The following CFAP61 variants were observed in gnomAD, a reference collection of about 807,000 sequenced individuals.
The protein encoded by CFAP61 is cilia- and flagella-associated protein 61.
CFAP61 carries 107 observed loss-of-function variants against 135.6 expected under a neutral mutation model. The ratio of observed to expected loss-of-function variants is 0.79; its 90% CI spans 0.67 to 0.93. The LOEUF is 0.93. Among genes scored for constraint, CFAP61 ranks in the 40% least tolerant of loss-of-function variants. The probability of loss-of-function intolerance (pLI) is 0.00; values close to 1 mark genes in which losing one functional copy is unlikely to be tolerated. For missense variants in CFAP61, 1,507 were observed against 1,556.2 expected (o/e 0.97, Z 0.53); for synonymous variants, 575 against 578.5 (o/e 0.99, Z 0.09).
intron 1 of CFAP61, among the ~76,000 whole-genome samples, chr20:20,054,009 G>GT (rs1491456523): frequency 0.22 from 19,918 of 88,702 alleles, 1,553 homozygotes; most frequent in East Asian, 0.33. Flanking sequence ...TGTTTTTTTT[G>GT]TTTGTTTTTT....
At chr20:20,225,033 CAT>C (rs1227206778) in intron 17 of CFAP61, among the ~76,000 whole-genome samples, 1 of 152,142 alleles carries the variant, frequency 6.6e-6, no homozygotes, top group African/African-American at 2.4e-5. Context: ...TGGCTTGACT[CAT>C]AGGATCTTGC....
In CFAP61 at chr20:20,277,165, G is replaced by A. The variant is rs756761686; in HGVS notation, c.2504-1G>A. On this transcript the variant is annotated splice_acceptor_variant, in intron 21 of 26. Transcript: ENST00000245957. LOFTEE classifies it high-confidence loss of function. ...TCTTAGCGTTTTCCCTTCTTTCCTA[G>A]GGAATATCATTGTCTATGGGAATAC... 5 of 1,597,712 alleles carry A rather than the reference G, an allele frequency of 3.1e-6. No individual in the cohort carries two copies. The South Asian group carries it at 4.4e-5, about 14-fold the overall frequency.
At chr20:20,297,009 A>G (rs1351342229) in intron 24 of CFAP61, among the ~76,000 whole-genome samples, 1 of 151,336 alleles carries the variant, frequency 6.6e-6, no homozygotes, top group Admixed American at 6.6e-5. Context: ...CCATCCCCCA[A>G]CCCCACTTGC....
chr20:20,072,544 C>T (rs1403055251), intron 3 of CFAP61, among the ~76,000 whole-genome samples: 1 of 152,118 alleles, frequency 6.6e-6, no homozygotes, highest in African/African-American at 2.4e-5. Context: ...TTGAATAAAC[C>T]TCTGATAGAT....
intron 25 of CFAP61, among the ~76,000 whole-genome samples, chr20:20,305,879 A>G (rs1302759998): frequency 6.6e-6 from 1 of 152,184 alleles, no homozygotes; most frequent in African/African-American, 2.4e-5. Flanking sequence ...CAACAGGCAG[A>G]TCCTTACCTA....
chr20:20,143,965 C>T (rs905820089), intron 9 of CFAP61, among the ~76,000 whole-genome samples: 4 of 152,210 alleles, frequency 2.6e-5, no homozygotes, highest in Non-Finnish European at 4.4e-5. Flanking sequence ...TGCCTGTTCT[C>T]ACCAGCCAGA....
At chr20:20,213,767 A>T (rs2047834477) in intron 17 of CFAP61, among the ~76,000 whole-genome samples, 1 of 152,186 alleles carries the variant, frequency 6.6e-6, no homozygotes, top group South Asian at 2.1e-4. Flanking sequence ...TGATATAATT[A>T]ACAAGAAAAA....
chr20:20,138,868 A>T lies in CFAP61; in HGVS notation c.860-3989A>T, dbSNP rs1446225570. On this transcript the variant is annotated intron_variant, in intron 8 of 26. Coordinates refer to ENST00000245957, the MANE Select transcript of CFAP61 (RefSeq NM_015585.4). ...CATCTTCATCATATATCAACATTTC[A>T]TAACTGTCTGTGTCTATTTCTGGCC... 2.0e-5 allele frequency among the ~76,000 whole-genome samples: 3 copies of T among 152,190 alleles called. No individual in the cohort carries two copies. In the East Asian group the frequency reaches 5.8e-4, roughly 29 times the overall value.
chr20:20,267,732 C>T (rs891926517), intron 21 of CFAP61: 1 of 152,170 alleles, frequency 6.6e-6, no homozygotes, highest in African/African-American at 2.4e-5. Flanking sequence ...GTGAGTTAAA[C>T]AGGGTTTTAC....
At chr20:20,305,629 T>C (rs2424340) in intron 25 of CFAP61, among the ~76,000 whole-genome samples, 70,485 of 152,118 alleles carry the variant, frequency 0.46, 17,368 homozygotes, top group Middle Eastern at 0.58. Context: ...CTGCTCTCTG[T>C]AGACTCTGTA....
chr20:20,115,751 G>T (rs998238642), intron 8 of CFAP61, among the ~76,000 whole-genome samples: 3 of 152,154 alleles, frequency 2.0e-5, no homozygotes, highest in African/African-American at 7.2e-5. Context: ...TTCTATCCAT[G>T]TTGTTGCAAA....
chr20:20,354,063 A>G (rs1437506983), intron 26 of CFAP61, among the ~76,000 whole-genome samples: 1 of 152,248 alleles, frequency 6.6e-6, no homozygotes, highest in East Asian at 1.9e-4. Context: ...AGGACATGAA[A>G]TGAACCTAAG....
intron 14 of CFAP61, among the ~76,000 whole-genome samples, chr20:20,189,610 A>G (rs888274156): frequency 6.6e-6 from 1 of 152,148 alleles, no homozygotes; most frequent in Admixed American, 6.5e-5. Context: ...CTGCAGAAAG[A>G]GCAAACCACA....
chr20:20,293,782 A>G (rs1364737107), intron 24 of CFAP61, among the ~76,000 whole-genome samples: 1 of 152,234 alleles, frequency 6.6e-6, no homozygotes. Context: ...TCCAGTCCAC[A>G]TGCTTTGTTG....
chr20:20,356,080 C>G lies in CFAP61; in HGVS notation c.3514-4130C>G, dbSNP rs146014025. Among the ~76,000 whole-genome samples, 10 of 73,980 alleles carry G rather than the reference C, an allele frequency of 1.4e-4. 1 individual carries two copies. The South Asian group carries it at 2.0e-3, about 15-fold the overall frequency. The allele number at this position is 73,980 out of a possible 152,430, so 48.5% of individuals were successfully genotyped here. A position where few individuals can be genotyped will look rare whatever the true frequency, so the allele number is the denominator to read the frequency against. On this transcript the variant is annotated intron_variant, in intron 26 of 26. Coordinates refer to ENST00000245957, the MANE Select transcript of CFAP61 (RefSeq NM_015585.4). ...TGAGGGGAGGTAGTGACACTGTGAG[C>G]AGAGATGGTCACACTGTGAGGGGAG...
At chr20:20,131,234 G>T (rs2050503271) in intron 8 of CFAP61, among the ~76,000 whole-genome samples, 1 of 150,060 alleles carries the variant, frequency 6.7e-6, no homozygotes, top group Non-Finnish European at 1.5e-5. Flanking sequence ...TTTTTTTGTG[G>T]ATGGGGAGGG....
intron 8 of CFAP61, among the ~76,000 whole-genome samples, chr20:20,123,485 C>T (rs1044912426): frequency 6.6e-6 from 1 of 151,712 alleles, no homozygotes; most frequent in African/African-American, 2.4e-5. Flanking sequence ...AGGCAATTAT[C>T]CCAGCACCAT....
At position 20,070,976 on chromosome 20, in the gene CFAP61, G is replaced by C; in HGVS notation, c.266G>C (p.Arg89Pro). Residue 89 changes from arginine (R) to proline (P), a missense_variant, in exon 3 of 27, where the codon CGG becomes CCG. By Grantham distance (103) the Arg-to-Pro change is moderately radical (BLOSUM62 -2). Transcript: ENST00000245957. ...CAGGATGACTGGGTGTCAGTGTTCC[G>C]GGAGCTCGACAGTGACATCCCATGC... is the stretch of plus-strand genomic sequence containing the variant. The part of the protein sequence containing the change: ...AKQDDWVSVF[R>P]ELDSDIPCTP... The C allele has an allele frequency of 1.2e-6, 2 of 1,614,134 alleles. No homozygotes were observed. The highest frequency in any genetic ancestry group is 1.7e-6 in the Non-Finnish European group (2 of 1,179,998).
intron 12 of CFAP61, among the ~76,000 whole-genome samples, 196 bp from the exon 13 acceptor site, chr20:20,169,125 C>A (rs2273126): frequency 6.6e-6 from 1 of 152,130 alleles, no homozygotes; most frequent in Non-Finnish European, 1.5e-5. Flanking sequence ...ACAAAGATAC[C>A]TTTTCCCTGC....
Sources: gnomAD v4.1 joint callset for allele counts (sites outside exome capture counted in the v4.1 genomes callset) on GRCh38, gnomAD v4.1.1 for gene constraint, MANE v1.5 for transcripts, NCBI Gene and HGNC (gene_info 2026-07-23, HGNC 2026-07-21) for gene names.